The following IL17RA variants were observed in gnomAD, a reference collection of about 807,000 sequenced individuals.
IL17RA encodes interleukin 17 receptor A, also known as interleukin-17 receptor A.
IL17RA carries 34 observed loss-of-function variants against 50.4 expected under a neutral mutation model. That is an observed-to-expected ratio of 0.67 (90% CI 0.51 to 0.90). IL17RA has a LOEUF of 0.90. Ranked by LOEUF, IL17RA falls within the 40% of genes least tolerant of loss-of-function variation. The pLI is 0.00. For synonymous variants in IL17RA, 585 were observed against 510.4 expected (o/e 1.15, Z -1.97); for missense variants, 1,276 against 1,169.8 (o/e 1.09, Z -1.32).
Position 17,108,384 on chromosome 22 carries a change from C to G in IL17RA, c.1165C>G (p.Pro389Ala). The change falls in exon 13 of 13, where the codon CCC (proline) becomes GCC (alanine). Residue 389 changes from proline to alanine, a missense_variant. Pro to Ala is a conservative substitution (Grantham distance 27). Transcript: ENST00000319363. ...KVWIIYSADHPLYVDVVLKFA... is the reference protein window; with the variant it reads ...KVWIIYSADHALYVDVVLKFA... ...CTGGATCATCTACTCAGCCGACCAC[C>G]CCCTCTACGTGGACGTGGTCCTGAA... 6.2e-7 allele frequency: 1 copy of G among 1,614,058 alleles called. No individual in the cohort carries two copies. The highest frequency in any genetic ancestry group is 8.5e-7 in the Non-Finnish European group (1 of 1,179,932).
At chr22:17,095,241 CA>C (rs1310538290) in intron 1 of IL17RA, among the ~76,000 whole-genome samples, 2 of 152,128 alleles carry the variant, frequency 1.3e-5, no homozygotes, top group Non-Finnish European at 2.9e-5. Flanking sequence ...TGATGAGGTT[CA>C]GAGCTGTTTT....
chr22:17,094,691 C>CTCTCTCTCTCTCTCTCTCTATA (rs1448096911), intron 1 of IL17RA, among the ~76,000 whole-genome samples: 1 of 24,700 alleles, frequency 4.0e-5, no homozygotes, highest in Non-Finnish European at 6.7e-5. Context: ...CTCTCTCTCT[C>CTCTCTCTCTCTCTCTCTCTATA]TATATATATA....
chr22:17,103,047 CAGA>C (rs1352225218), intron 7 of IL17RA, among the ~76,000 whole-genome samples: 1 of 152,102 alleles, frequency 6.6e-6, no homozygotes, highest in Non-Finnish European at 1.5e-5. Flanking sequence ...GAAACTGAGG[CAGA>C]AGAATCACTT....
chr22:17,099,935 C>T (rs879786542), intron 4 of IL17RA, among the ~76,000 whole-genome samples: 7 of 152,200 alleles, frequency 4.6e-5, no homozygotes, highest in South Asian at 2.1e-4. Flanking sequence ...CTGGCTTTTC[C>T]GTTTGAGGAG....
rs1036149872 is a variant in IL17RA, at chr22:17,109,559, G to A, written c.2340G>A (p.Thr780=). The A allele has an allele frequency of 8.8e-6, 14 of 1,599,350 alleles. No individual in the cohort carries two copies. The Admixed American group carries it at 1.2e-4, about 14-fold the overall frequency. ...RPAMVLTDPH[T]PYEEEQRQSV... is the part of the protein sequence containing the mutation. ...CCATGGTCCTCACAGACCCACACAC[G>A]CCCTACGAGGAGGAGCAGCGGCAGT... The change falls in exon 13 of 13, where the codon ACG becomes ACA. Residue 780 remains threonine, a synonymous_variant. Transcript: ENST00000319363.
intron 1 of IL17RA, among the ~76,000 whole-genome samples, chr22:17,085,843 G>A (rs2061325602): frequency 1.3e-5 from 2 of 152,214 alleles, no homozygotes; most frequent in Admixed American, 1.3e-4. Context: ...AGCCACGCGG[G>A]GGCCGGAGCG....
Position 17,085,179 on chromosome 22 carries a change from GGCGCCTCCCT to G in IL17RA, c.92_101del (p.Ala31AspfsTer15). ...GCTCCTGGGCGTGCTGGCCCCGGGT[GGCGCCTCCCT>G]GCGACTCCTGGACCACCGGGCGCTG... On this transcript the variant is annotated frameshift_variant, in exon 1 of 13. Coordinates refer to ENST00000319363, the MANE Select transcript of IL17RA (RefSeq NM_014339.7). LOFTEE classifies it high-confidence loss of function. 4 of 1,526,360 alleles carry G rather than the reference GGCGCCTCCCT, an allele frequency of 2.6e-6. No individual in the cohort carries two copies. The highest frequency in any genetic ancestry group is 3.5e-6 in the Non-Finnish European group (4 of 1,142,094). 94.6% of individuals were successfully genotyped at this position (1,526,360 alleles called of 1,614,324 possible).
chr22:17,085,454 C>T (rs2061323888), intron 1 of IL17RA, among the ~76,000 whole-genome samples: 1 of 152,016 alleles, frequency 6.6e-6, no homozygotes, highest in East Asian at 1.9e-4. Flanking sequence ...GTGGGTGGCA[C>T]ATCGCGCGGC....
In IL17RA at chr22:17,108,728, CT is replaced by C; in HGVS notation, c.1511del (p.Phe504SerfsTer47). 2 of 1,611,688 alleles carry C rather than the reference CT, an allele frequency of 1.2e-6. No homozygotes were observed. The highest frequency in any genetic ancestry group is 1.7e-6 in the Non-Finnish European group (2 of 1,179,828). On this transcript the variant is annotated frameshift_variant, in exon 13 of 13. Coordinates refer to ENST00000319363, the MANE Select transcript of IL17RA (RefSeq NM_014339.7). LOFTEE classifies it low-confidence loss of function (END_TRUNC). ...ACFGTYVVCY[F>X]SEVSCDGDVP... ...GCTTCGGCACCTACGTAGTCTGCTA[CT>C]TCAGCGAGGTCAGCTGTGACGGCGA...
chr22:17,109,623 C>A lies in IL17RA; in HGVS notation c.2404C>A (p.Pro802Thr), dbSNP rs1371677239. 13 of 1,607,920 alleles carry A rather than the reference C, an allele frequency of 8.1e-6. No homozygotes were observed. The highest frequency in any genetic ancestry group is 1.7e-5 in the Admixed American group (1 of 59,038). Residue 802 changes from proline (P) to threonine (T), a missense_variant, in exon 13 of 13, where the codon CCG becomes ACG. Coordinates refer to ENST00000319363, the MANE Select transcript of IL17RA (RefSeq NM_014339.7). ...SDQGYISRSSPQPPEGLTEME... is the reference protein window; with the variant it reads ...SDQGYISRSSTQPPEGLTEME... ...CCAGGGCTACATCTCCAGGAGCTCC[C>A]CGCAGCCCCCCGAGGGACTCACGGA...
At position 17,109,177 on chromosome 22, in the gene IL17RA, A is replaced by G. The variant is rs367985576; in HGVS notation, c.1958A>G (p.His653Arg). 336 of 1,526,078 alleles carry G rather than the reference A, an allele frequency of 2.2e-4. No individual in the cohort carries two copies. Among genetic ancestry groups the G allele is most frequent in the Non-Finnish European group, 2.9e-4 (330 of 1,142,266 alleles). 94.5% of individuals were successfully genotyped at this position (1,526,078 alleles called of 1,614,324 possible). A position where few individuals can be genotyped will look rare whatever the true frequency, so the allele number is the denominator to read the frequency against. ...GGAAVAKLEP[H>R]LQPRGQPAPQ... Reference sequence around the variant, plus strand: ...GCAGCAGTGGCAAAGCTGGAACCTCACCTGCAGCCCCGGGGTCAGCCAGCG... The same window carrying G: ...GCAGCAGTGGCAAAGCTGGAACCTCGCCTGCAGCCCCGGGGTCAGCCAGCG... Residue 653 changes from histidine to arginine, a missense_variant, in exon 13 of 13, where the codon CAC becomes CGC. Coordinates refer to ENST00000319363, the MANE Select transcript of IL17RA (RefSeq NM_014339.7).
intron 1 of IL17RA, among the ~76,000 whole-genome samples, chr22:17,088,841 A>T (rs934869188): frequency 1.4e-5 from 2 of 144,576 alleles, no homozygotes; most frequent in Non-Finnish European, 3.0e-5. Context: ...TGTCATCCAG[A>T]TTGGAGTGCA....
Position 17,085,167 on chromosome 22 carries a change from C to T in IL17RA, c.76C>T (p.Leu26=). The change falls in exon 1 of 13, where the codon CTG becomes TTG. Residue 26 remains leucine, a synonymous_variant. Coordinates refer to ENST00000319363, the MANE Select transcript of IL17RA (RefSeq NM_014339.7). ...LGLLLLLLGV[L]APGGASLRLL... ...GCTGCTCCTGCTGCTCCTGGGCGTGCTGGCCCCGGGTGGCGCCTCCCTGCG... is the reference window on the plus strand; with the variant it reads ...GCTGCTCCTGCTGCTCCTGGGCGTGTTGGCCCCGGGTGGCGCCTCCCTGCG... The T allele has an allele frequency of 2.6e-6, 4 of 1,523,202 alleles. No homozygotes were observed. Among genetic ancestry groups the T allele is most frequent in the Non-Finnish European group, 3.5e-6 (4 of 1,140,978 alleles). The allele number at this position is 1,523,202 out of a possible 1,614,324, so 94.4% of individuals were successfully genotyped here. A position where few individuals can be genotyped will look rare whatever the true frequency, so the allele number is the denominator to read the frequency against.
At chr22:17,095,719 G>A (rs1301060446) in intron 1 of IL17RA, among the ~76,000 whole-genome samples, 2 of 152,104 alleles carry the variant, frequency 1.3e-5, no homozygotes, top group African/African-American at 4.8e-5. Flanking sequence ...TAGGCAGCCA[G>A]ATGGATTTTG....
chr22:17,089,331 A>G (rs1212594944), intron 1 of IL17RA, among the ~76,000 whole-genome samples: 3 of 151,808 alleles, frequency 2.0e-5, no homozygotes, highest in Non-Finnish European at 2.9e-5. Context: ...CACTTACCCA[A>G]CCTCCCTGGG....
intron 7 of IL17RA, among the ~76,000 whole-genome samples, chr22:17,102,621 G>C (rs565693470): frequency 6.6e-6 from 1 of 152,144 alleles, no homozygotes; most frequent in East Asian, 1.9e-4. Context: ...GAAGAAATGT[G>C]AAAATAGAGA....
chr22:17,105,319 T>C (rs1360223806), intron 9 of IL17RA, among the ~76,000 whole-genome samples: 2 of 152,194 alleles, frequency 1.3e-5, no homozygotes, highest in Admixed American at 1.3e-4. Context: ...CACGGGAGGC[T>C]GCAGCCACGT....
chr22:17,102,447 T>A (rs746204344), intron 7 of IL17RA, 145 bp downstream of exon 7: 73 of 890,548 alleles, frequency 8.2e-5, no homozygotes, highest in Non-Finnish European at 1.3e-4. Flanking sequence ...TCATGGCGCC[T>A]TGCCCTTTTT....
chr22:17,086,139 AAAAAAC>A (rs2061326875), intron 1 of IL17RA, among the ~76,000 whole-genome samples: 1 of 151,902 alleles, frequency 6.6e-6, no homozygotes. Context: ...ATCTTAAGGA[AAAAAAC>A]AAAAAAAGAG....
Sources: allele counts gnomAD v4.1 joint callset (sites outside exome capture counted in the v4.1 genomes callset), GRCh38; gene constraint gnomAD v4.1.1; transcripts MANE v1.5; gene names NCBI Gene and HGNC (gene_info 2026-07-23, HGNC 2026-07-21).